KLHL3: variants seen among roughly 807,000 people sequenced by gnomAD.
KLHL3 encodes the protein kelch-like protein 3.
KLHL3 carries 19 observed loss-of-function variants against 70.5 expected under a neutral mutation model. The ratio of observed to expected loss-of-function variants is 0.27; its 90% confidence interval spans 0.19 to 0.40. The LOEUF is 0.40. Among genes scored for constraint, KLHL3 ranks in the 10% least tolerant of loss-of-function variants. The pLI is 1.00. For synonymous variants in KLHL3, 258 were observed against 290.3 expected, an observed-to-expected ratio of 0.89 and a Z score of 1.13; for missense variants, 512 against 771.1, an observed-to-expected ratio of 0.66 and a Z score of 3.98.
At chr5:137,674,625 C>T (rs1751842460) in intron 6 of KLHL3, among the ~76,000 whole-genome samples, 1 of 152,142 alleles carries the variant, frequency 6.6e-6, no homozygotes, top group Non-Finnish European at 1.5e-5. Context: ...TGCCGTTATG[C>T]TGTTAAGTGT....
At chr5:137,718,844 T>C (rs1277251968) in intron 2 of KLHL3, among the ~76,000 whole-genome samples, 1 of 152,224 alleles carries the variant, frequency 6.6e-6, no homozygotes, top group African/African-American at 2.4e-5. Flanking sequence ...CTGATAAAAA[T>C]TGAGCAGTGG....
chr5:137,640,734 C>CA lies in KLHL3; in HGVS notation c.904-758_904-757insT, dbSNP rs896387639. 1.5e-3 allele frequency among the ~76,000 whole-genome samples: 70 copies of CA among 47,674 alleles called. 1 individual carries two copies. Among genetic ancestry groups the CA allele is most frequent in the Non-Finnish European group, 2.4e-3 (44 of 18,220 alleles). The allele number at this position is 47,674 out of a possible 152,430, so 31.3% of individuals were successfully genotyped here. A position where few individuals can be genotyped will look rare whatever the true frequency, so the allele number is the denominator to read the frequency against. Reference sequence around the variant, plus strand: ...ACCTGACAGAGGGTGAGGCCAGCCACCCCCCCCAACTCCTGCTCTAGAGAC... The same window carrying CA: ...ACCTGACAGAGGGTGAGGCCAGCCACACCCCCCCAACTCCTGCTCTAGAGAC... On this transcript the variant is annotated intron_variant, in intron 8 of 14. Coordinates refer to ENST00000309755, the MANE Select transcript of KLHL3 (RefSeq NM_017415.3).
intron 1 of KLHL3, among the ~76,000 whole-genome samples, chr5:137,726,928 A>G (rs1386238370): frequency 6.6e-6 from 1 of 152,154 alleles, no homozygotes; most frequent in African/African-American, 2.4e-5. Flanking sequence ...GTAATTATAA[A>G]AGTTATAAAT....
intron 6 of KLHL3, 139 bp downstream of exon 6, chr5:137,677,406 C>T: frequency 1.7e-6 from 1 of 573,028 alleles, no homozygotes. Context: ...CGAGATCACA[C>T]CATCGCACTC....
chr5:137,632,174 AC>A (rs2149880467), intron 12 of KLHL3, among the ~76,000 whole-genome samples: 1 of 152,358 alleles, frequency 6.6e-6, no homozygotes, highest in South Asian at 2.1e-4. Flanking sequence ...TTTATACAGA[AC>A]CAAAAAAGAG....
chr5:137,694,257 A>C (rs1752393168), intron 4 of KLHL3, among the ~76,000 whole-genome samples: 1 of 152,082 alleles, frequency 6.6e-6, no homozygotes, highest in Non-Finnish European at 1.5e-5. Context: ...CCCTTCCTCC[A>C]TCCTCTCTTC....
chr5:137,701,779 CAG>C (rs1475076029), intron 3 of KLHL3, among the ~76,000 whole-genome samples: 1 of 152,196 alleles, frequency 6.6e-6, no homozygotes, highest in African/African-American at 2.4e-5. Context: ...TTCCAGAAAA[CAG>C]AAGATGAGCC....
At chr5:137,656,696 G>T (rs1018029046) in intron 8 of KLHL3, among the ~76,000 whole-genome samples, 1 of 152,240 alleles carries the variant, frequency 6.6e-6, no homozygotes, top group Non-Finnish European at 1.5e-5. Context: ...CCAGACCAAG[G>T]CCTTGCCTTG....
At chr5:137,717,672 TGGTTACCA>T (rs1471189809) in intron 2 of KLHL3, among the ~76,000 whole-genome samples, 1 of 152,240 alleles carries the variant, frequency 6.6e-6, no homozygotes, top group Non-Finnish European at 1.5e-5. Flanking sequence ...AGTATTACAA[TGGTTACCA>T]CTATGTAATA....
intron 5 of KLHL3, among the ~76,000 whole-genome samples, chr5:137,680,735 G>C (rs1210795423): frequency 6.6e-6 from 1 of 151,886 alleles, no homozygotes; most frequent in Non-Finnish European, 1.5e-5. Context: ...GTAGAGACGG[G>C]GTTTCACCAT....
chr5:137,736,026 C>T lies in KLHL3; in HGVS notation c.-380G>A, dbSNP rs932986953. On this transcript the variant is annotated 5_prime_UTR_variant, in exon 1 of 15. Coordinates refer to ENST00000309755, the MANE Select transcript of KLHL3 (RefSeq NM_017415.3). ...GCTTCCTCTGCATCTGCCCAGGCAT[C>T]CCCAGCCCAGGCGATTAGCCCGCCC... 2.2e-5 allele frequency: 8 copies of T among 364,356 alleles called. No homozygotes were observed. The highest frequency in any genetic ancestry group is 1.7e-4 in the African/African-American group (8 of 48,010). The allele number at this position is 364,356 out of a possible 1,614,324, so 22.6% of individuals were successfully genotyped here.
At chr5:137,726,740 C>G (rs1337853036) in intron 1 of KLHL3, among the ~76,000 whole-genome samples, 1 of 152,094 alleles carries the variant, frequency 6.6e-6, no homozygotes, top group Non-Finnish European at 1.5e-5. Flanking sequence ...TGAGGTCATG[C>G]CCACAGTAGG....
intron 5 of KLHL3, among the ~76,000 whole-genome samples, chr5:137,682,897 A>G (rs569355836): frequency 6.6e-6 from 1 of 152,266 alleles, no homozygotes; most frequent in Admixed American, 6.5e-5. Context: ...CTCTTCACGG[A>G]ATGAAATAAA....
chr5:137,720,502 T>A lies in KLHL3; in HGVS notation c.97A>T (p.Met33Leu). The change falls in exon 2 of 15, where the codon ATG becomes TTG. Residue 33 changes from methionine (M) to leucine (L), a missense_variant. Transcript: ENST00000309755. ...QRTITVNPAH[M>L]GKAFKVMNEL... ...TTCATAACCTTGAATGCTTTCCCCA[T>A]GTGGGCAGGGTTGACAGTGATCGTC... The A allele has an allele frequency of 6.2e-7, 1 of 1,614,166 alleles. No individual in the cohort carries two copies. The highest frequency in any genetic ancestry group is 8.5e-7 in the Non-Finnish European group (1 of 1,179,992).
rs182252405 is a variant in KLHL3 at position 137,660,477 on chromosome 5, G to A, written c.753+1438C>T. Among the ~76,000 whole-genome samples, 12 of 152,236 alleles carry A rather than the reference G, an allele frequency of 7.9e-5. No individual in the cohort carries two copies. The East Asian group carries it at 9.7e-4, about 12-fold the overall frequency. On this transcript the variant is annotated intron_variant, in intron 7 of 14. Coordinates refer to ENST00000309755, the MANE Select transcript of KLHL3 (RefSeq NM_017415.3). ...ATGCTCAGGCAAGTTCACTTCCTCC[G>A]CTTAGGGGACCTTTTCTACAGGAAA...
At position 137,680,042 on chromosome 5, in the gene KLHL3, C is replaced by T. The variant is rs567165045; in HGVS notation, c.527-2388G>A. Among the ~76,000 whole-genome samples, 3 of 152,272 alleles carry T rather than the reference C, an allele frequency of 2.0e-5. No homozygotes were observed. In the South Asian group the frequency reaches 6.2e-4, roughly 32 times the overall value. On this transcript the variant is annotated intron_variant, in intron 5 of 14. Transcript: ENST00000309755. ...TCTGTTACCAACACTCAAGAAACAACAGGATAGAAAAGACAGGAACAGGAT... is the reference window on the plus strand; with the variant it reads ...TCTGTTACCAACACTCAAGAAACAATAGGATAGAAAAGACAGGAACAGGAT...
intron 12 of KLHL3, 28 bp downstream of exon 12, chr5:137,634,009 C>T: frequency 4.3e-6 from 7 of 1,613,960 alleles, no homozygotes; most frequent in Non-Finnish European, 5.1e-6. Flanking sequence ...AAATCAGACA[C>T]AGCCAGCACC....
chr5:137,712,527 A>C (rs1752813448), intron 2 of KLHL3, among the ~76,000 whole-genome samples: 1 of 152,200 alleles, frequency 6.6e-6, no homozygotes, highest in Non-Finnish European at 1.5e-5. Context: ...GCCTGTCTGC[A>C]CACTGGAGAC....
chr5:137,637,254 G>T, intron 11 of KLHL3, 40 bp downstream of exon 11: 1 of 1,549,270 alleles, frequency 6.5e-7, no homozygotes, highest in Non-Finnish European at 8.9e-7. Flanking sequence ...AGGCCCGTGG[G>T]CCAGGTAGGC....
Sources: allele counts gnomAD v4.1 joint callset (sites outside exome capture counted in the v4.1 genomes callset), GRCh38; gene constraint gnomAD v4.1.1; transcripts MANE v1.5; gene names NCBI Gene and HGNC (gene_info 2026-07-23, HGNC 2026-07-21).